Variants in RNLS observed in about 807,000 individuals in gnomAD.
RNLS encodes renalase, FAD dependent amine oxidase.
In RNLS, 39 loss-of-function variants were observed where a neutral mutation model predicts 39.8. The ratio of observed to expected loss-of-function variants is 0.98; its 90% CI spans 0.76 to 1.28. The LOEUF (loss-of-function observed/expected upper bound fraction) is 1.28. Ranked by LOEUF, RNLS falls within the 50% of genes most tolerant of loss-of-function variation. The probability of loss-of-function intolerance (pLI) is 0.00; values close to 1 mark genes in which losing one functional copy is unlikely to be tolerated. For missense variants in RNLS, 410 were observed against 413.3 expected (o/e 0.99, Z 0.07); for synonymous variants, 147 against 150.7 (o/e 0.98, Z 0.18).
the RNLS span, among the ~76,000 whole-genome samples, chr10:88,235,123 G>A: frequency 4.6e-5 from 7 of 151,824 alleles, no homozygotes; most frequent in African/African-American, 1.5e-4. Flanking sequence ...TTAGCCGGGC[G>A]TCGGGGTGGT....
At chr10:88,225,013 C>T in the RNLS span, among the ~76,000 whole-genome samples, 1 of 152,170 alleles carries the variant, frequency 6.6e-6, no homozygotes, top group African/African-American at 2.4e-5. Context: ...GATTAAATTG[C>T]TATTGATTTG....
chr10:88,536,970 T>C (rs1442562802), intron 4 of RNLS, among the ~76,000 whole-genome samples: 1 of 152,190 alleles, frequency 6.6e-6, no homozygotes, highest in Non-Finnish European at 1.5e-5. Flanking sequence ...TCTCAACAAA[T>C]GTCAGTGAAT....
the RNLS span, among the ~76,000 whole-genome samples, chr10:88,247,309 T>C: frequency 6.6e-6 from 1 of 152,084 alleles, no homozygotes; most frequent in African/African-American, 2.4e-5. Context: ...GGAAGTGACA[T>C]ATACTTAGGA....
At chr10:88,478,174 T>C (rs1380742737) in intron 4 of RNLS, among the ~76,000 whole-genome samples, 2 of 152,194 alleles carry the variant, frequency 1.3e-5, no homozygotes. Flanking sequence ...TTAAAAAACA[T>C]TTACTTTCTC....
chr10:88,491,314 T>C (rs1844864872), intron 4 of RNLS, among the ~76,000 whole-genome samples: 1 of 152,198 alleles, frequency 6.6e-6, no homozygotes, highest in South Asian at 2.1e-4. Context: ...TATTTCGGGA[T>C]AAGAGTAGCC....
chr10:88,432,561 C>A (rs1281438555), intron 4 of RNLS, among the ~76,000 whole-genome samples: 1 of 151,468 alleles, frequency 6.6e-6, no homozygotes, highest in Non-Finnish European at 1.5e-5. Context: ...TTTTTTCTGT[C>A]TTCTTCTGGA....
At chr10:88,187,841 CTT>C in the RNLS span, among the ~76,000 whole-genome samples, 1 of 152,188 alleles carries the variant, frequency 6.6e-6, no homozygotes, top group Non-Finnish European at 1.5e-5. Context: ...CTTTCTGACT[CTT>C]TGACACATGG....
At chr10:88,542,571 C>T (rs531576208) in intron 4 of RNLS, among the ~76,000 whole-genome samples, 6 of 152,048 alleles carry the variant, frequency 3.9e-5, no homozygotes, top group Admixed American at 1.3e-4. Context: ...TTGCCAGATT[C>T]GATTGCTAGG....
intron 3 of RNLS, among the ~76,000 whole-genome samples, chr10:88,581,292 G>GTATA (rs1362971821): frequency 2.7e-4 from 33 of 122,036 alleles, no homozygotes; most frequent in African/African-American, 1.1e-3. Context: ...GTGTGTGTGT[G>GTATA]TGTATATATA....
chr10:88,517,526 T>C (rs1846476949), intron 4 of RNLS, among the ~76,000 whole-genome samples: 1 of 151,940 alleles, frequency 6.6e-6, no homozygotes, highest in African/African-American at 2.4e-5. Context: ...TGGTATGTAA[T>C]ATGAACTGAG....
At chr10:88,255,740 T>C in the RNLS span, among the ~76,000 whole-genome samples, 2 of 152,214 alleles carry the variant, frequency 1.3e-5, no homozygotes, top group Non-Finnish European at 2.9e-5. Context: ...TTGATAGAAT[T>C]GGTTACAAAC....
intron 4 of RNLS, among the ~76,000 whole-genome samples, chr10:88,475,534 G>T (rs1357042081): frequency 2.0e-5 from 3 of 152,080 alleles, no homozygotes. Flanking sequence ...TCTATTAGCA[G>T]CATTAAAAAA....
intron 6 of RNLS, among the ~76,000 whole-genome samples, chr10:88,311,912 T>G (rs1270487446): frequency 1.3e-5 from 2 of 152,186 alleles, no homozygotes; most frequent in African/African-American, 4.8e-5. Flanking sequence ...TCCTCTTATC[T>G]CTTGCAGATA....
intron 4 of RNLS, among the ~76,000 whole-genome samples, chr10:88,515,218 AAT>A (rs772363824): frequency 2.0e-5 from 3 of 151,998 alleles, no homozygotes; most frequent in Admixed American, 6.6e-5. Context: ...TCTTGATTTT[AAT>A]ATGACTTATT....
chr10:88,260,430 A>C, the RNLS span, among the ~76,000 whole-genome samples: 1 of 152,256 alleles, frequency 6.6e-6, no homozygotes. Context: ...CAATTGTACA[A>C]AGGTAGCTGT....
chr10:88,292,798 C>G (rs1177330111), intron 6 of RNLS, among the ~76,000 whole-genome samples: 1 of 151,820 alleles, frequency 6.6e-6, no homozygotes, highest in South Asian at 2.1e-4. Flanking sequence ...AATCCCAGCA[C>G]TTTGGGAGGC....
At chr10:88,536,201 G>A (rs1031904742) in intron 4 of RNLS, among the ~76,000 whole-genome samples, 2 of 152,150 alleles carry the variant, frequency 1.3e-5, no homozygotes, top group Non-Finnish European at 2.9e-5. Flanking sequence ...AATACCTAAT[G>A]TTTGGAAAGG....
chr10:88,382,274 CA>C (rs1851576996), intron 4 of RNLS, among the ~76,000 whole-genome samples: 1 of 151,946 alleles, frequency 6.6e-6, no homozygotes, highest in Non-Finnish European at 1.5e-5. Flanking sequence ...TGACTGTTAT[CA>C]AATTAGATGG....
intron 4 of RNLS, among the ~76,000 whole-genome samples, chr10:88,572,532 C>G (rs1422823572): frequency 2.6e-5 from 4 of 152,020 alleles, no homozygotes; most frequent in African/African-American, 9.7e-5. Context: ...AGAGAGCAAC[C>G]CAGAGAACAA....
Sources: gnomAD v4.1 joint callset for allele counts (sites outside exome capture counted in the v4.1 genomes callset) on GRCh38, gnomAD v4.1.1 for gene constraint, MANE v1.5 for transcripts, NCBI Gene and HGNC (gene_info 2026-07-23, HGNC 2026-07-21) for gene names.